The following RANBP17 variants were observed in gnomAD, a reference collection of about 807,000 sequenced individuals.
RANBP17 encodes the protein RAN binding protein 17.
A neutral mutation model predicts 141.2 loss-of-function variants in RANBP17; 158 were observed. The observed-to-expected ratio is 1.12, with a 90% CI of 0.98 to 1.28. RANBP17 has a LOEUF of 1.28. RANBP17 is among the 50% of genes most tolerant of loss of function. RANBP17 has a pLI of 0.00. For synonymous variants in RANBP17, 430 were observed against 450.0 expected, an observed-to-expected ratio of 0.96 and a Z score of 0.56; for missense variants, 1,438 against 1,290.7, an observed-to-expected ratio of 1.11 and a Z score of -1.75.
In RANBP17 at chr5:171,179,563, A is replaced by G. The variant is rs144701635; in HGVS notation, c.1866-3604A>G. The stretch of plus-strand genomic sequence containing the variant: ...CTGTCTGCAAAAAGTGTCTATGAAC[A>G]TGTATGACTTTTAAATATTTGCCCA... On this transcript the variant is annotated intron_variant, in intron 16 of 27. Coordinates refer to ENST00000523189, the MANE Select transcript of RANBP17 (RefSeq NM_022897.5). 7.9e-5 allele frequency among the ~76,000 whole-genome samples: 12 copies of G among 152,322 alleles called. No homozygotes were observed. The East Asian group carries it at 2.3e-3, about 29-fold the overall frequency.
chr5:171,157,472 C>G (rs1271880935), intron 14 of RANBP17, among the ~76,000 whole-genome samples: 1 of 152,156 alleles, frequency 6.6e-6, no homozygotes, highest in Non-Finnish European at 1.5e-5. Flanking sequence ...TAAAGCTAAA[C>G]CCACACTGAT....
intron 16 of RANBP17, among the ~76,000 whole-genome samples, chr5:171,173,113 A>G (rs1561730292): frequency 6.6e-6 from 1 of 152,026 alleles, no homozygotes; most frequent in African/African-American, 2.4e-5. Context: ...TTGAATTATA[A>G]ATCATTATGT....
At chr5:171,017,296 A>T (rs1373183611) in intron 14 of RANBP17, among the ~76,000 whole-genome samples, 1 of 152,096 alleles carries the variant, frequency 6.6e-6, no homozygotes, top group Non-Finnish European at 1.5e-5. Flanking sequence ...GTTAAATGGT[A>T]TTTCTGGTTC....
At chr5:171,128,410 A>T (rs1256107748) in intron 14 of RANBP17, among the ~76,000 whole-genome samples, 1 of 152,196 alleles carries the variant, frequency 6.6e-6, no homozygotes, top group Non-Finnish European at 1.5e-5. Flanking sequence ...ACAAGCAGGC[A>T]CAGAAAGACA....
At chr5:170,881,941 C>A (rs755939793) in intron 3 of RANBP17, 45 bp downstream of exon 3, 7 of 1,312,796 alleles carry the variant, frequency 5.3e-6, no homozygotes, top group South Asian at 2.6e-5. Context: ...CTTTAAAAAT[C>A]TTTTTCTTTT....
chr5:171,154,597 A>G (rs1758726269), intron 14 of RANBP17, among the ~76,000 whole-genome samples: 1 of 152,218 alleles, frequency 6.6e-6, no homozygotes, highest in African/African-American at 2.4e-5. Flanking sequence ...TTTTATGTAT[A>G]TTGAATGAAA....
chr5:170,884,778 A>G (rs1769005130), intron 3 of RANBP17, among the ~76,000 whole-genome samples: 1 of 152,194 alleles, frequency 6.6e-6, no homozygotes, highest in African/African-American at 2.4e-5. Context: ...GTCCTGAAAG[A>G]AGTCTGGAAT....
chr5:171,080,398 ATATTC>A (rs1210612197), intron 14 of RANBP17, among the ~76,000 whole-genome samples: 2 of 152,164 alleles, frequency 1.3e-5, no homozygotes, highest in Non-Finnish European at 2.9e-5. Flanking sequence ...CAGTGCACCT[ATATTC>A]TATAATAGTC....
chr5:171,187,116 ATTG>A (rs1442108467), intron 18 of RANBP17, among the ~76,000 whole-genome samples: 2 of 152,114 alleles, frequency 1.3e-5, no homozygotes, highest in African/African-American at 2.4e-5. Flanking sequence ...TAATATCAAT[ATTG>A]TTGTGTCTCA....
intron 14 of RANBP17, among the ~76,000 whole-genome samples, chr5:170,995,166 T>A (rs1411682167): frequency 6.6e-6 from 1 of 152,096 alleles, no homozygotes; most frequent in East Asian, 1.9e-4. Context: ...ACGTGGTGAT[T>A]TTATGTGTTA....
intron 11 of RANBP17, among the ~76,000 whole-genome samples, chr5:170,921,892 G>T (rs1772496804): frequency 6.6e-6 from 1 of 152,132 alleles, no homozygotes; most frequent in Non-Finnish European, 1.5e-5. Flanking sequence ...CAGTCCTTTG[G>T]AGGAGAAGAA....
intron 24 of RANBP17, among the ~76,000 whole-genome samples, chr5:171,257,713 T>C (rs1765993674): frequency 1.3e-5 from 2 of 152,178 alleles, no homozygotes; most frequent in African/African-American, 4.8e-5. Context: ...AGTTGCAGGA[T>C]AGAAAATCAT....
chr5:170,886,640 A>G (rs2339170), intron 3 of RANBP17, among the ~76,000 whole-genome samples: 87,525 of 143,594 alleles, frequency 0.61, 28,145 homozygotes, highest in South Asian at 0.9. Flanking sequence ...TACACCATTC[A>G]TTTGAGGTGC....
Position 170,955,464 on chromosome 5 carries a change from ATC to A in RANBP17, c.1574+1764_1574+1765del, listed in dbSNP as rs1409060739. Among the ~76,000 whole-genome samples the A allele has an allele frequency of 1.4e-3, 94 of 65,174 alleles. 1 individual carries two copies. The highest frequency in any genetic ancestry group is 0.032 in the Middle Eastern group (2 of 62). The allele number at this position is 65,174 out of a possible 152,430, so 42.8% of individuals were successfully genotyped here. ...TTGAAAGAGCTCAGTATATATATAT[ATC>A]TATATATATATATATATATGCTCAG... On this transcript the variant is annotated intron_variant, in intron 13 of 27. Transcript: ENST00000523189.
intron 7 of RANBP17, chr5:170,911,455 A>G (rs1284589580): frequency 1.1e-5 from 7 of 661,480 alleles, no homozygotes; most frequent in Non-Finnish European, 2.0e-5. Flanking sequence ...ACAGGATCCC[A>G]CTCTGTTTAT....
intron 25 of RANBP17, among the ~76,000 whole-genome samples, chr5:171,279,251 G>A (rs1216937314): frequency 5.9e-5 from 9 of 152,088 alleles, no homozygotes; most frequent in Non-Finnish European, 1.2e-4. Flanking sequence ...GCCTTGCAGT[G>A]GCCAAAATGA....
intron 5 of RANBP17, chr5:170,896,340 A>G: frequency 2.2e-6 from 1 of 448,660 alleles, no homozygotes; most frequent in Non-Finnish European, 3.9e-6. Flanking sequence ...ATTACAAAGA[A>G]CAGAGAATTA....
chr5:170,937,907 C>A (rs1271989709), intron 12 of RANBP17, among the ~76,000 whole-genome samples: 3 of 152,174 alleles, frequency 2.0e-5, no homozygotes, highest in Non-Finnish European at 2.9e-5. Flanking sequence ...TTAGTAATAA[C>A]TTAAGTGTGG....
intron 14 of RANBP17, among the ~76,000 whole-genome samples, chr5:171,103,380 T>G (rs1787312696): frequency 6.6e-6 from 1 of 152,194 alleles, no homozygotes; most frequent in Non-Finnish European, 1.5e-5. Flanking sequence ...TCAAAATTCC[T>G]GGCAGCTTTG....
Sources: gnomAD v4.1 joint callset for allele counts (sites outside exome capture counted in the v4.1 genomes callset) on GRCh38, gnomAD v4.1.1 for gene constraint, MANE v1.5 for transcripts, NCBI Gene and HGNC (gene_info 2026-07-23, HGNC 2026-07-21) for gene names.